Variants in ACADM observed in about 807,000 individuals in gnomAD.
The protein encoded by ACADM is medium-chain specific acyl-CoA dehydrogenase, mitochondrial.
Under a neutral mutation model 58.9 loss-of-function variants are expected in ACADM, and 49 were observed. The observed-to-expected ratio is 0.83, with a 90% CI of 0.66 to 1.06. ACADM has a LOEUF of 1.06. ACADM is among the 50% of genes least tolerant of loss of function. The pLI, the probability that ACADM is intolerant of heterozygous loss-of-function variation, is 0.00. For synonymous variants in ACADM, 160 were observed against 157.7 expected (o/e 1.01, Z -0.11); for missense variants, 496 against 507.0 (o/e 0.98, Z 0.21).
intron 6 of ACADM, among the ~76,000 whole-genome samples, chr1:75,738,223 G>GTTA (rs10638917): frequency 0.3 from 44,577 of 149,000 alleles, 6,700 homozygotes; most frequent in Non-Finnish European, 0.33. Context: ...GCCAAGTATT[G>GTTA]TTATTATTTT....
rs188167161 is a variant in ACADM, at chr1:75,740,755, A to G, written c.599+645A>G. 2.0e-3 allele frequency among the ~76,000 whole-genome samples: 311 copies of G among 152,326 alleles called. 2 individuals carry two copies. The highest frequency in any genetic ancestry group is 7.0e-3 in the African/African-American group (290 of 41,576). ...AAAAAGCCAATGTAATTTTAAGCCA[A>G]AGTAATAGAAGTACAGCATCAAATA... On this transcript the variant is annotated intron_variant, in intron 7 of 11. Transcript: ENST00000370841.
At position 75,733,657 on chromosome 1, in the gene ACADM, ACT is replaced by A. The variant is rs1431890854; in HGVS notation, c.387+31_387+32del. On this transcript the variant is annotated intron_variant, in intron 5 of 11. Coordinates refer to ENST00000370841, the MANE Select transcript of ACADM (RefSeq NM_000016.6). ...AGTGACTTAGAAAATTAACTACCTA[ACT>A]CAGCTCTTGTTAATGAGATAGTTAC... is the stretch of plus-strand genomic sequence containing the variant. 8 of 1,538,094 alleles carry A rather than the reference ACT, an allele frequency of 5.2e-6. No individual in the cohort carries two copies. The African/African-American group carries it at 9.6e-5, about 18-fold the overall frequency.
chr1:75,735,745 G>A (rs1647240182), intron 6 of ACADM, among the ~76,000 whole-genome samples: 1 of 151,758 alleles, frequency 6.6e-6, no homozygotes, highest in African/African-American at 2.4e-5. Flanking sequence ...TTGGGAGGCT[G>A]AGGCATGAGA....
rs71071962 is a variant in ACADM, at chr1:75,753,795, C to CTTTTTTTTTTTTTTTTTTTTTT, written c.945+3268_945+3269insTTTTTTTTTTTTTTTTTTTTTT. Among the ~76,000 whole-genome samples the CTTTTTTTTTTTTTTTTTTTTTT allele has an allele frequency of 8.7e-4, 71 of 81,896 alleles. 10 individuals are homozygous for CTTTTTTTTTTTTTTTTTTTTTT. The highest frequency in any genetic ancestry group is 3.5e-3 in the African/African-American group (57 of 16,460). The allele number at this position is 81,896 out of a possible 152,430, so 53.7% of individuals were successfully genotyped here. Reference sequence around the variant, plus strand: ...GCACTCTGCAAAATGCTGATAGCTTCTTTTTTTTTTTTTTTTTTTGAGACA... The same window carrying CTTTTTTTTTTTTTTTTTTTTTT: ...GCACTCTGCAAAATGCTGATAGCTTCTTTTTTTTTTTTTTTTTTTTTTTTTTTTTTTTTTTTTTTTTGAGACA... On this transcript the variant is annotated intron_variant, in intron 10 of 11. Coordinates refer to ENST00000370841, the MANE Select transcript of ACADM (RefSeq NM_000016.6).
chr1:75,734,189 A>C (rs1446909754), intron 5 of ACADM, among the ~76,000 whole-genome samples: 1 of 108,086 alleles, frequency 9.3e-6, no homozygotes, highest in African/African-American at 3.9e-5. Context: ...TTTGAGACGG[A>C]GTCTCACTCT....
intron 10 of ACADM, chr1:75,750,978 G>GA: frequency 3.9e-6 from 1 of 255,620 alleles, no homozygotes; most frequent in South Asian, 4.7e-5. Flanking sequence ...CGATCTGCCC[G>GA]CCTCAGCCTC....
intron 10 of ACADM, among the ~76,000 whole-genome samples, chr1:75,753,902 C>T (rs888318589): frequency 1.4e-5 from 2 of 145,130 alleles, no homozygotes; most frequent in Admixed American, 7.1e-5. Flanking sequence ...CTTAAGTGAT[C>T]CTCCTACCTT....
At chr1:75,748,341 G>A (rs1648012549) in intron 8 of ACADM, among the ~76,000 whole-genome samples, 1 of 152,154 alleles carries the variant, frequency 6.6e-6, no homozygotes, top group African/African-American at 2.4e-5. Context: ...AGCTAGTTTA[G>A]TAGTTTCTTA....
chr1:75,750,907 C>T, intron 10 of ACADM: 1 of 329,848 alleles, frequency 3.0e-6, no homozygotes, highest in East Asian at 7.7e-5. Flanking sequence ...CACCACTATG[C>T]CTGGCTAATT....
In ACADM at chr1:75,737,143, C is replaced by T. The variant is rs12069278; in HGVS notation, c.468+2272C>T. 7.3e-3 allele frequency among the ~76,000 whole-genome samples: 1,098 copies of T among 149,906 alleles called. 14 individuals carry two copies. The highest frequency in any genetic ancestry group is 0.025 in the African/African-American group (1,030 of 40,804). On this transcript the variant is annotated intron_variant, in intron 6 of 11. Transcript: ENST00000370841. ...AAATAAAAATGATCAAATAAGAAGC[C>T]AAGAACAGGCCAGGCATGGTGGCTC...
chr1:75,755,972 A>G (rs1648483315), intron 10 of ACADM, among the ~76,000 whole-genome samples: 1 of 152,240 alleles, frequency 6.6e-6, no homozygotes, highest in African/African-American at 2.4e-5. Context: ...ACAAAAACTT[A>G]TGATTATCTC....
intron 6 of ACADM, among the ~76,000 whole-genome samples, chr1:75,735,319 CAAAAAAAAA>C (rs33952162): frequency 9.8e-6 from 1 of 101,834 alleles, no homozygotes; most frequent in Non-Finnish European, 1.9e-5. Flanking sequence ...GACCCTGTCT[CAAAAAAAAA>C]AAAAAAAAAA....
chr1:75,753,959 C>CT (rs34768581), intron 10 of ACADM, among the ~76,000 whole-genome samples: 214 of 114,078 alleles, frequency 1.9e-3, no homozygotes, highest in Middle Eastern at 8.5e-3. Context: ...CCATGCTCAG[C>CT]TTTTTTTTTT....
In ACADM at chr1:75,749,319, C is replaced by T. The variant is rs1373497293; in HGVS notation, c.709-100C>T. The T allele has an allele frequency of 2.4e-6, 3 of 1,247,592 alleles. No individual in the cohort carries two copies. In the Admixed American group the frequency reaches 5.7e-5, roughly 24 times the overall value. The allele number at this position is 1,247,592 out of a possible 1,614,324, so 77.3% of individuals were successfully genotyped here. A position where few individuals can be genotyped will look rare whatever the true frequency, so the allele number is the denominator to read the frequency against. Reference sequence around the variant, plus strand: ...ATTGCAGACTACAGTTTGTTGATCCCTGTTTTAGGTAATTGCAGAAAGTCA... The same window carrying T: ...ATTGCAGACTACAGTTTGTTGATCCTTGTTTTAGGTAATTGCAGAAAGTCA... On this transcript the variant is annotated intron_variant, in intron 8 of 11. Coordinates refer to ENST00000370841, the MANE Select transcript of ACADM (RefSeq NM_000016.6).
intron 1 of ACADM, among the ~76,000 whole-genome samples, chr1:75,727,470 C>T (rs1557440272): frequency 6.6e-6 from 1 of 152,086 alleles, no homozygotes; most frequent in Admixed American, 6.5e-5. Flanking sequence ...GTCCTGAAAC[C>T]TTTACTCAAG....
intron 6 of ACADM, among the ~76,000 whole-genome samples, chr1:75,737,224 G>A (rs1164906927): frequency 3.6e-5 from 5 of 140,518 alleles, no homozygotes; most frequent in African/African-American, 5.3e-5. Context: ...CTTGAGGCCA[G>A]GAGTTCAAGA....
At position 75,728,512 on chromosome 1, in the gene ACADM, G is replaced by T; in HGVS notation, c.118+24G>T. 3.9e-6 allele frequency: 6 copies of T among 1,527,904 alleles called. No individual in the cohort carries two copies. In the South Asian group the frequency reaches 5.6e-5, roughly 14 times the overall value. The allele number at this position is 1,527,904 out of a possible 1,614,324, so 94.6% of individuals were successfully genotyped here. On this transcript the variant is annotated intron_variant, in intron 2 of 11. Coordinates refer to ENST00000370841, the MANE Select transcript of ACADM (RefSeq NM_000016.6). ...TGGTATATGTTCGGTTCTATCTTTT[G>T]ACTTTAAACTTATACATATGAAGCT...
chr1:75,729,292 T>C (rs1647106337), intron 2 of ACADM, among the ~76,000 whole-genome samples: 1 of 106,658 alleles, frequency 9.4e-6, no homozygotes, highest in Admixed American at 1.0e-4. Context: ...TTCTTTCTTT[T>C]TTCTTTTTTT....
intron 11 of ACADM, 151 bp downstream of exon 11, chr1:75,761,521 TAGAA>T (rs1220430535): frequency 2.4e-5 from 19 of 796,208 alleles, no homozygotes; most frequent in South Asian, 1.7e-4. Context: ...AATTAATTAA[TAGAA>T]AGAAGAATGT....
Sources: gnomAD v4.1 joint callset for allele counts (sites outside exome capture counted in the v4.1 genomes callset) on GRCh38, gnomAD v4.1.1 for gene constraint, MANE v1.5 for transcripts, NCBI Gene and HGNC (gene_info 2026-07-23, HGNC 2026-07-21) for gene names.